The following KDM2B variants were observed in gnomAD, a reference collection of about 807,000 sequenced individuals.
KDM2B encodes the protein lysine-specific demethylase 2B.
KDM2B carries 26 observed loss-of-function variants against 150.0 expected under a neutral mutation model. That is an observed-to-expected ratio of 0.17 (90% confidence interval 0.13 to 0.24). KDM2B has a LOEUF of 0.24. Ranked by LOEUF, KDM2B falls within the 10% of genes least tolerant of loss-of-function variation. The pLI, the probability that KDM2B is intolerant of heterozygous loss-of-function variation, is 1.00. For synonymous variants in KDM2B, 734 were observed against 729.5 expected (o/e 1.01, Z -0.10); for missense variants, 1,265 against 1,816.9 (o/e 0.70, Z 5.52).
intron 12 of KDM2B, among the ~76,000 whole-genome samples, chr12:121,485,623 G>A (rs1330221550): frequency 2.0e-5 from 3 of 151,990 alleles, no homozygotes; most frequent in African/African-American, 7.3e-5. Context: ...CAGTGGGAGG[G>A]GAGAACGGGG....
At position 121,467,138 on chromosome 12, in the gene KDM2B, C is replaced by A; in HGVS notation, c.1735-13794G>T. ...GTCGTGCGGCGGGTCCCTCCCTCAG[C>A]CCCACCCCGGGCCGCCGACCTGGTC... On this transcript the variant is annotated intron_variant, in intron 12 of 22. Transcript: ENST00000377071. This position sits in a 1 kb window ranked among gnomAD's most constrained non-coding sequence, Gnocchi z 5.1. 8.9e-7 allele frequency: 1 copy of A among 1,121,534 alleles called. No individual in the cohort carries two copies. The highest frequency in any genetic ancestry group is 1.1e-6 in the Non-Finnish European group (1 of 898,970). The allele number at this position is 1,121,534 out of a possible 1,614,324, so 69.5% of individuals were successfully genotyped here.
the KDM2B span, among the ~76,000 whole-genome samples, chr12:121,410,981 C>A: frequency 1.3e-5 from 2 of 152,188 alleles, no homozygotes; most frequent in African/African-American, 4.8e-5. Context: ...GTCACCCAGG[C>A]TGGAGTGCGG....
chr12:121,436,489 C>T (rs1236948265), intron 22 of KDM2B, among the ~76,000 whole-genome samples: 2 of 150,500 alleles, frequency 1.3e-5, no homozygotes, highest in African/African-American at 4.9e-5. Context: ...CAATTGCACT[C>T]CAGCCTGGGC....
At chr12:121,458,884 G>A (rs1878690444) in intron 12 of KDM2B, among the ~76,000 whole-genome samples, 1 of 151,836 alleles carries the variant, frequency 6.6e-6, no homozygotes, top group Admixed American at 6.6e-5. Flanking sequence ...TCAACAGATT[G>A]AGACCATCCT....
At chr12:121,435,386 C>A (rs529407401) in intron 22 of KDM2B, among the ~76,000 whole-genome samples, 1 of 152,112 alleles carries the variant, frequency 6.6e-6, no homozygotes, top group Non-Finnish European at 1.5e-5. Context: ...CCTAAAGTGG[C>A]TGAGGGGAAA....
At chr12:121,503,198 G>A (rs568220219) in intron 11 of KDM2B, among the ~76,000 whole-genome samples, 2 of 151,740 alleles carry the variant, frequency 1.3e-5, no homozygotes, top group Non-Finnish European at 2.9e-5. Flanking sequence ...AGCTAGTCTC[G>A]AACTTCTGAC....
rs1889286131 is a variant in KDM2B at position 121,549,067 on chromosome 12, C to A, written c.577-84G>T. On this transcript the variant is annotated intron_variant, in intron 5 of 22. Coordinates refer to ENST00000377071, the MANE Select transcript of KDM2B (RefSeq NM_032590.5). The surrounding 1 kb of genome is among the most constrained non-coding windows in gnomAD (Gnocchi z 4.4). ...CCCCTTTCCCCGGAGAGTCCTTGGG[C>A]CCCCCCGCTCCCCCAATCTACTGTG... 2 of 1,020,564 alleles carry A rather than the reference C, an allele frequency of 2.0e-6. No individual in the cohort carries two copies. Among genetic ancestry groups the A allele is most frequent in the Non-Finnish European group, 3.0e-6 (2 of 667,966 alleles). The allele number at this position is 1,020,564 out of a possible 1,614,324, so 63.2% of individuals were successfully genotyped here.
rs1872808926 is a variant in KDM2B at position 121,430,440 on chromosome 12, A to G, written c.3859T>C (p.Ser1287Pro). 1.2e-6 allele frequency: 2 copies of G among 1,613,984 alleles called. No individual in the cohort carries two copies. Among genetic ancestry groups the G allele is most frequent in the Admixed American group, 1.7e-5 (1 of 59,998 alleles). ...DCNKVTDQCLSFFKRCGNICH... is the reference protein window; with the variant it reads ...DCNKVTDQCLPFFKRCGNICH... ...ATGTTTCCACAGCGTTTGAAGAAGGACAGGCACTGATCAGTGACCTTATTG... is the reference window on the plus strand; with the variant it reads ...ATGTTTCCACAGCGTTTGAAGAAGGGCAGGCACTGATCAGTGACCTTATTG... The change falls in exon 23 of 23, where the codon TCC becomes CCC. Residue 1287 changes from serine to proline, a missense_variant. Ser to Pro is a moderately conservative substitution (Grantham distance 74, BLOSUM62 -1). Transcript: ENST00000377071. The surrounding 1 kb of genome is among the most constrained non-coding windows in gnomAD (Gnocchi z 4.4).
intron 13 of KDM2B, 112 bp from the exon 14 acceptor site, chr12:121,445,530 C>G: frequency 9.3e-7 from 1 of 1,077,770 alleles, no homozygotes; most frequent in Non-Finnish European, 1.3e-6. Flanking sequence ...AGGAGACCCC[C>G]GGAAAGTGGC....
chr12:121,497,184 T>C (rs545287663), intron 11 of KDM2B, among the ~76,000 whole-genome samples: 8 of 152,308 alleles, frequency 5.3e-5, no homozygotes, highest in Admixed American at 2.6e-4. Context: ...CAAAGTCCCA[T>C]AGTCAATGTC....
At chr12:121,556,818 C>T (rs1207466581) in intron 4 of KDM2B, among the ~76,000 whole-genome samples, 1 of 150,986 alleles carries the variant, frequency 6.6e-6, no homozygotes, top group Non-Finnish European at 1.5e-5. Context: ...TGCCACTGCA[C>T]TCCAACCTGG....
Position 121,430,528 on chromosome 12 carries a change from C to T in KDM2B, c.3830-59G>A, listed in dbSNP as rs782012790. On this transcript the variant is annotated intron_variant, in intron 22 of 22. Coordinates refer to ENST00000377071, the MANE Select transcript of KDM2B (RefSeq NM_032590.5). This position sits in a 1 kb window ranked among gnomAD's most constrained non-coding sequence, Gnocchi z 4.4. The stretch of plus-strand genomic sequence containing the variant: ...GGCCAGGAGCCAGAAGCCCCCCCGC[C>T]GCCAGACCCAGGCACTCAGCAGTGG... 1.3e-5 allele frequency: 17 copies of T among 1,301,172 alleles called. No individual in the cohort carries two copies. Among genetic ancestry groups the T allele is most frequent in the Admixed American group, 3.4e-5 (2 of 59,304 alleles). The allele number at this position is 1,301,172 out of a possible 1,614,324, so 80.6% of individuals were successfully genotyped here.
chr12:121,438,750 G>A (rs556925578), intron 22 of KDM2B, among the ~76,000 whole-genome samples: 1 of 151,962 alleles, frequency 6.6e-6, no homozygotes, highest in African/African-American at 2.4e-5. Flanking sequence ...AGAAAACAAC[G>A]TGTATGTCAC....
intron 9 of KDM2B, among the ~76,000 whole-genome samples, chr12:121,519,824 G>A (rs528629421): frequency 1.2e-4 from 19 of 152,256 alleles, no homozygotes; most frequent in African/African-American, 3.6e-4. Context: ...GAATAGCTGT[G>A]TTGAAAAAAC....
Position 121,568,229 on chromosome 12 carries a change from G to A in KDM2B, c.397+6318C>T, listed in dbSNP as rs913969164. 2.6e-5 allele frequency among the ~76,000 whole-genome samples: 4 copies of A among 152,272 alleles called. No homozygotes were observed. The South Asian group carries it at 8.3e-4, about 32-fold the overall frequency. ...CGCACCTGTAACCCCAGCACTTTGG[G>A]AGGTCGAAGCAGGAGAATTGCTTGG... is the stretch of plus-strand genomic sequence containing the variant. On this transcript the variant is annotated intron_variant, in intron 4 of 22. Coordinates refer to ENST00000377071, the MANE Select transcript of KDM2B (RefSeq NM_032590.5).
intron 12 of KDM2B, among the ~76,000 whole-genome samples, chr12:121,492,799 A>AG (rs781888774): frequency 4.6e-5 from 7 of 151,184 alleles, no homozygotes; most frequent in Non-Finnish European, 8.8e-5. Flanking sequence ...ACTGCACTCC[A>AG]GCCTGGGTGA....
At chr12:121,534,098 C>T (rs1887884757) in intron 7 of KDM2B, among the ~76,000 whole-genome samples, 2 of 151,980 alleles carry the variant, frequency 1.3e-5, no homozygotes, top group Non-Finnish European at 2.9e-5. Context: ...GCCTCTAATC[C>T]CAGCACTTTG....
At chr12:121,475,182 C>CTGTGTGTGTGTGTGTGTG (rs60083867) in intron 12 of KDM2B, among the ~76,000 whole-genome samples, 2 of 139,664 alleles carry the variant, frequency 1.4e-5, no homozygotes, top group African/African-American at 2.7e-5. Flanking sequence ...ACACATGACT[C>CTGTGTGTGTGTGTGTGTG]TGTGTGTGTG....
intron 4 of KDM2B, among the ~76,000 whole-genome samples, chr12:121,559,334 G>T (rs1890154196): frequency 6.6e-6 from 1 of 151,932 alleles, no homozygotes; most frequent in Middle Eastern, 3.4e-3. Context: ...TGGACTTCCA[G>T]GTCTATGGGA....
Sources: allele counts gnomAD v4.1 joint callset (sites outside exome capture counted in the v4.1 genomes callset), GRCh38; gene constraint gnomAD v4.1.1; non-coding constraint Gnocchi (gnomAD v3.1); transcripts MANE v1.5; gene names NCBI Gene and HGNC (gene_info 2026-07-23, HGNC 2026-07-21).